The following PHTF2 variants were observed in gnomAD, a reference collection of about 807,000 sequenced individuals.
PHTF2 encodes the protein putative homeodomain transcription factor 2, also known as protein PHTF2.
PHTF2 carries 60 observed loss-of-function variants against 101.2 expected under a neutral mutation model. That is an observed-to-expected ratio of 0.59 (90% CI 0.48 to 0.73). The LOEUF (loss-of-function observed/expected upper bound fraction) is 0.73, where lower values mean the gene tolerates loss of function less well. PHTF2 is among the 30% of genes least tolerant of loss of function. The probability of loss-of-function intolerance (pLI) is 0.00; values close to 1 mark genes in which losing one functional copy is unlikely to be tolerated. For missense variants in PHTF2, 747 were observed against 908.7 expected (o/e 0.82, Z 2.29); for synonymous variants, 311 against 307.3 (o/e 1.01, Z -0.13).
chr7:77,870,402 C>T (rs959182217), intron 3 of PHTF2, among the ~76,000 whole-genome samples: 10 of 152,092 alleles, frequency 6.6e-5, no homozygotes, highest in South Asian at 4.1e-4. Flanking sequence ...AGAGCCAATC[C>T]GAGTTCCAAA....
chr7:77,940,718 T>G, intron 15 of PHTF2, 59 bp downstream of exon 14: 1 of 1,201,496 alleles, frequency 8.3e-7, no homozygotes, highest in South Asian at 1.6e-5. Flanking sequence ...TAGTTCCAGT[T>G]TCTTTATCAA....
chr7:77,927,986 G>T (rs1319629148), intron 11 of PHTF2, among the ~76,000 whole-genome samples: 1 of 152,200 alleles, frequency 6.6e-6, no homozygotes, highest in Non-Finnish European at 1.5e-5. Context: ...TTGACTAGAG[G>T]AGTCAAAGAA....
chr7:77,871,037 G>A (rs1036834470), intron 3 of PHTF2, among the ~76,000 whole-genome samples: 5 of 152,300 alleles, frequency 3.3e-5, no homozygotes, highest in East Asian at 3.9e-4. Context: ...GCAGCTGATC[G>A]TGTGGTCGTA....
intron 1 of PHTF2, among the ~76,000 whole-genome samples, chr7:77,809,722 T>C (rs1793287675): frequency 6.6e-6 from 1 of 152,248 alleles, no homozygotes; most frequent in South Asian, 2.1e-4. Flanking sequence ...ATATATTGAA[T>C]GGTAATTTAA....
intron 16 of PHTF2, among the ~76,000 whole-genome samples, chr7:77,943,843 C>G (rs150773971): frequency 4.0e-5 from 6 of 151,778 alleles, no homozygotes; most frequent in Non-Finnish European, 8.8e-5. Context: ...CATGGTAAAA[C>G]CTCGTCTCTA....
intron 17 of PHTF2, 129 bp downstream of exon 16, chr7:77,949,962 T>G: frequency 1.9e-6 from 1 of 519,490 alleles, no homozygotes; most frequent in Non-Finnish European, 3.3e-6. Context: ...AAATGTAAAA[T>G]TTAATAGGAC....
intron 3 of PHTF2, among the ~76,000 whole-genome samples, chr7:77,891,202 C>T (rs1800371590): frequency 6.6e-6 from 1 of 152,122 alleles, no homozygotes; most frequent in Non-Finnish European, 1.5e-5. Context: ...AGCCACCATA[C>T]CCAGCCTAAA....
At chr7:77,909,639 A>T (rs1383947271) in intron 8 of PHTF2, 1 of 152,760 alleles carries the variant, frequency 6.5e-6, no homozygotes, top group Non-Finnish European at 1.5e-5. Flanking sequence ...AAGTGCTGGG[A>T]TTACAGGCAT....
chr7:77,955,696 T>G (rs1438650027), exon 20 of PHTF2: 2 of 152,592 alleles, frequency 1.3e-5, no homozygotes, highest in African/African-American at 4.8e-5. Context: ...TATACTCATC[T>G]CACAAGTGAA....
chr7:77,881,925 A>G (rs1799457896), intron 3 of PHTF2, among the ~76,000 whole-genome samples: 2 of 152,176 alleles, frequency 1.3e-5, no homozygotes, highest in Admixed American at 1.3e-4. Context: ...CTTTGGATTT[A>G]TAACTTCTGA....
chr7:77,841,411 A>G (rs986169519), intron 2 of PHTF2, among the ~76,000 whole-genome samples: 4 of 152,134 alleles, frequency 2.6e-5, no homozygotes, highest in African/African-American at 9.7e-5. Context: ...TGTTCAATTG[A>G]AAATAAGTGA....
At chr7:77,939,907 A>G (rs1050020641) in intron 13 of PHTF2, 123 bp from the exon 13 acceptor site, 27 of 685,162 alleles carry the variant, frequency 3.9e-5, no homozygotes, top group African/African-American at 2.0e-4. Flanking sequence ...ATGGGATTCA[A>G]ATTACTCAGA....
chr7:77,877,544 A>G (rs2150738285), intron 3 of PHTF2, among the ~76,000 whole-genome samples: 1 of 152,386 alleles, frequency 6.6e-6, no homozygotes, highest in Admixed American at 6.5e-5. Flanking sequence ...TAGCTTGATA[A>G]ATAAATCCAC....
intron 2 of PHTF2, among the ~76,000 whole-genome samples, chr7:77,842,743 A>C (rs762828016): frequency 6.6e-6 from 1 of 152,202 alleles, no homozygotes; most frequent in Non-Finnish European, 1.5e-5. Flanking sequence ...GAGATACAAA[A>C]TGTCGTACAA....
chr7:77,837,227 GTAAA>G lies in PHTF2; in HGVS notation c.-35-2989_-35-2986del, dbSNP rs1048932257. Among the ~76,000 whole-genome samples, 207 of 152,186 alleles carry G rather than the reference GTAAA, an allele frequency of 1.4e-3. 3 individuals carry two copies. The highest frequency in any genetic ancestry group is 6.8e-3 in the Middle Eastern group (2 of 294). On this transcript the variant is annotated intron_variant, in intron 1 of 19. Coordinates refer to ENST00000416283, the Ensembl canonical transcript of PHTF2. ...CAGTAGGTTTTTTATGCTTTTTTCT[GTAAA>G]TAAACTTTAATATGATCATTTAACA... is the stretch of plus-strand genomic sequence containing the variant.
Position 77,802,547 on chromosome 7 carries a change from G to GT in PHTF2, c.-36+3583dup, listed in dbSNP as rs530297314. ...ACTTGATACATGATAGTGGGACAGA[G>GT]TTTTTTTATTTTGAGACAGGGTCTC... On this transcript the variant is annotated intron_variant, in intron 1 of 19. Coordinates refer to ENST00000416283, the Ensembl canonical transcript of PHTF2. Among the ~76,000 whole-genome samples the GT allele has an allele frequency of 3.5e-4, 53 of 152,052 alleles. 2 individuals are homozygous for GT. The South Asian group carries it at 0.011, about 30-fold the overall frequency.
At chr7:77,923,981 CT>C (rs1803721993) in intron 11 of PHTF2, 4 of 919,118 alleles carry the variant, frequency 4.4e-6, no homozygotes, top group Non-Finnish European at 5.2e-6. Context: ...TGATTTACAT[CT>C]TTTTTAATGA....
chr7:77,892,931 G>C (rs138048893), intron 3 of PHTF2, among the ~76,000 whole-genome samples: 1 of 152,056 alleles, frequency 6.6e-6, no homozygotes. Flanking sequence ...TAATTGTATA[G>C]CATATTAGTA....
chr7:77,800,240 T>C (rs184161501), intron 1 of PHTF2, among the ~76,000 whole-genome samples: 1 of 152,246 alleles, frequency 6.6e-6, no homozygotes, highest in Admixed American at 6.5e-5. Flanking sequence ...GAGAAGGAAA[T>C]GGATATGCGT....
Sources: allele counts gnomAD v4.1 joint callset (sites outside exome capture counted in the v4.1 genomes callset), GRCh38; gene constraint gnomAD v4.1.1; transcripts MANE v1.5; gene names NCBI Gene and HGNC (gene_info 2026-07-23, HGNC 2026-07-21).